PSMA6: variants seen among roughly 807,000 people sequenced by gnomAD.
PSMA6 encodes proteasome 20S subunit alpha 6.
For missense variants in PSMA6, 170 were observed against 294.8 expected (o/e 0.58, Z 3.10); for synonymous variants, 88 against 97.7 (o/e 0.90, Z 0.59).
intron 1 of PSMA6, among the ~76,000 whole-genome samples, chr14:35,284,855 G>A (rs968773001): frequency 1.3e-5 from 2 of 152,204 alleles, no homozygotes; most frequent in African/African-American, 4.8e-5. Flanking sequence ...ACTTGGTACT[G>A]TGGTAACTGG....
chr14:35,294,140 G>A (rs1421408434), intron 1 of PSMA6, among the ~76,000 whole-genome samples: 3 of 152,220 alleles, frequency 2.0e-5, no homozygotes, highest in Admixed American at 1.3e-4. Flanking sequence ...CGCCTCCCGG[G>A]TTCAAGCAAT....
chr14:35,290,859 C>A (rs368842478), upstream of PSMA6, among the ~76,000 whole-genome samples: 1 of 152,318 alleles, frequency 6.6e-6, no homozygotes, highest in East Asian at 1.9e-4. Flanking sequence ...GGAGCTACCT[C>A]GCCAGCTTGG....
chr14:35,288,533 A>C (rs754994833), upstream of PSMA6, among the ~76,000 whole-genome samples: 1 of 152,092 alleles, frequency 6.6e-6, no homozygotes, highest in Non-Finnish European at 1.5e-5. Context: ...ACAACAACAA[A>C]AACAGATGTG....
At chr14:35,310,612 C>T (rs993018269) in intron 3 of PSMA6, 128 bp from the exon 4 acceptor site, 15 of 862,548 alleles carry the variant, frequency 1.7e-5, no homozygotes, top group Middle Eastern at 3.4e-4. Flanking sequence ...GAGAAAAAGC[C>T]GTAGCGGACC....
chr14:35,311,554 A>G (rs1181028239), intron 4 of PSMA6, among the ~76,000 whole-genome samples: 1 of 152,164 alleles, frequency 6.6e-6, no homozygotes, highest in Admixed American at 6.6e-5. Context: ...CCTTGAAGGA[A>G]AGAAGTATTT....
At chr14:35,284,537 G>A (rs2051401185) in intron 1 of PSMA6, among the ~76,000 whole-genome samples, 1 of 152,174 alleles carries the variant, frequency 6.6e-6, no homozygotes, top group Non-Finnish European at 1.5e-5. Flanking sequence ...GGGTTCATCT[G>A]TGTGTCTCCC....
intron 1 of PSMA6, among the ~76,000 whole-genome samples, chr14:35,300,372 C>G (rs2051688417): frequency 6.6e-6 from 1 of 152,080 alleles, no homozygotes; most frequent in Admixed American, 6.6e-5. Context: ...ACTCTGGAGG[C>G]TGAGGTAGGA....
chr14:35,289,039 A>G (rs1353939528), upstream of PSMA6, among the ~76,000 whole-genome samples: 1 of 152,196 alleles, frequency 6.6e-6, no homozygotes, highest in Non-Finnish European at 1.5e-5. Context: ...TTCTTCTTCC[A>G]ATGTGGCCAG....
intron 1 of PSMA6, among the ~76,000 whole-genome samples, chr14:35,301,676 G>A (rs963878141): frequency 2.6e-5 from 4 of 152,104 alleles, no homozygotes; most frequent in Admixed American, 2.6e-4. Flanking sequence ...AAGAACGAGG[G>A]CCCCCTTAAT....
intron 1 of PSMA6, among the ~76,000 whole-genome samples, chr14:35,300,397 G>A (rs1006567957): frequency 6.6e-5 from 10 of 152,070 alleles, no homozygotes; most frequent in East Asian, 1.9e-4. Flanking sequence ...TGCTTGAGCC[G>A]AAAGTTTCAG....
chr14:35,292,581 A>G, intron 1 of PSMA6, 29 bp downstream of exon 1: 3 of 1,610,092 alleles, frequency 1.9e-6, no homozygotes, highest in Non-Finnish European at 2.5e-6. Context: ...CCTGTGGGCC[A>G]CCTGAATTGC....
At chr14:35,298,032 G>T (rs1244283640) in intron 1 of PSMA6, among the ~76,000 whole-genome samples, 1 of 152,124 alleles carries the variant, frequency 6.6e-6, no homozygotes, top group African/African-American at 2.4e-5. Flanking sequence ...TTTGTTGTTG[G>T]GTTCAACCAT....
At chr14:35,304,098 G>T (rs1025011531) in intron 1 of PSMA6, among the ~76,000 whole-genome samples, 1 of 151,916 alleles carries the variant, frequency 6.6e-6, no homozygotes. Context: ...TCAGCCTCCT[G>T]AGTAGCTGGG....
intron 1 of PSMA6, among the ~76,000 whole-genome samples, chr14:35,294,543 G>A (rs1033691405): frequency 2.6e-5 from 4 of 152,166 alleles, no homozygotes; most frequent in Non-Finnish European, 4.4e-5. Flanking sequence ...TGTAACCTTA[G>A]CCTTAGTTTC....
At chr14:35,313,154 C>A in intron 5 of PSMA6, 95 bp downstream of exon 5, 3 of 1,165,600 alleles carry the variant, frequency 2.6e-6, no homozygotes, top group Non-Finnish European at 3.5e-6. Context: ...TGAATTACAT[C>A]CCAGGATTCA....
At chr14:35,278,630 G>T (rs992214663), upstream of PSMA6, 53 of 1,505,344 alleles carry the variant, frequency 3.5e-5, 1 homozygote, top group South Asian at 6.1e-4. Context: ...GCTGGAGCAG[G>T]GTAGTGTCCT....
intron 4 of PSMA6, 78 bp from the exon 5 acceptor site, chr14:35,312,803 C>G: frequency 7.7e-7 from 1 of 1,292,920 alleles, no homozygotes; most frequent in Non-Finnish European, 1.1e-6. Context: ...TTAGCAGCAG[C>G]TATGTGACAC....
intron 1 of PSMA6, among the ~76,000 whole-genome samples, chr14:35,294,357 CTG>C (rs1304797937): frequency 6.6e-6 from 1 of 152,198 alleles, no homozygotes; most frequent in Non-Finnish European, 1.5e-5. Context: ...ATTTTAATCT[CTG>C]TGAATAACAC....
In PSMA6 at chr14:35,308,827, G is replaced by A. The variant is rs114177166; in HGVS notation, c.172-87G>A. The A allele has an allele frequency of 3.8e-4, 351 of 913,780 alleles. 1 individual carries two copies. In the African/African-American group the frequency reaches 4.5e-3, roughly 12 times the overall value. The allele number at this position is 913,780 out of a possible 1,614,324, so 56.6% of individuals were successfully genotyped here. A position where few individuals can be genotyped will look rare whatever the true frequency, so the allele number is the denominator to read the frequency against. On this transcript the variant is annotated intron_variant, in intron 2 of 6. Transcript: ENST00000261479. ...TAGTATTGTTTTCTCCAAGAAGCAG[G>A]GCAAATTAAAAACATAATTTTTTTT...
Sources: allele counts gnomAD v4.1 joint callset (sites outside exome capture counted in the v4.1 genomes callset), GRCh38; gene constraint gnomAD v4.1.1; transcripts MANE v1.5; gene names NCBI Gene and HGNC (gene_info 2026-07-23, HGNC 2026-07-21).